The following OPCML variants were observed in gnomAD, a reference collection of about 807,000 sequenced individuals.
The protein encoded by OPCML is opioid binding protein/cell adhesion molecule like.
In OPCML, 13 loss-of-function variants were observed where a neutral mutation model predicts 37.8. The ratio of observed to expected loss-of-function variants is 0.34; its 90% CI spans 0.22 to 0.55. OPCML has a LOEUF of 0.55. Among genes scored for constraint, OPCML ranks in the 20% least tolerant of loss-of-function variants. The pLI, the probability that OPCML is intolerant of heterozygous loss-of-function variation, is 0.91. For synonymous variants in OPCML, 176 were observed against 168.8 expected (o/e 1.04, Z -0.33); for missense variants, 341 against 435.6 (o/e 0.78, Z 1.93).
chr11:133,499,609 C>G (rs1947861078), intron 1 of OPCML, among the ~76,000 whole-genome samples: 1 of 151,744 alleles, frequency 6.6e-6, no homozygotes, highest in Non-Finnish European at 1.5e-5. Flanking sequence ...GGCAGACTCT[C>G]TGATGGATTT....
At chr11:133,276,272 G>A (rs567115974) in intron 1 of OPCML, among the ~76,000 whole-genome samples, 35 of 152,240 alleles carry the variant, frequency 2.3e-4, no homozygotes, top group Middle Eastern at 3.4e-3. Flanking sequence ...GTAAGGAATC[G>A]TGGAAGAGAT....
intron 1 of OPCML, chr11:133,117,716 T>TATTC (rs1949358226): frequency 1.2e-6 from 1 of 863,872 alleles, no homozygotes; most frequent in Non-Finnish European, 1.4e-6. Context: ...ATAAAAAAAG[T>TATTC]ATTATCAACT....
intron 4 of OPCML, among the ~76,000 whole-genome samples, chr11:132,498,351 A>T (rs772038441): frequency 2.6e-5 from 4 of 152,332 alleles, no homozygotes; most frequent in African/African-American, 9.6e-5. Flanking sequence ...CAGCCCTAGT[A>T]TATTTCCATA....
intron 2 of OPCML, among the ~76,000 whole-genome samples, chr11:132,666,784 C>T (rs79438926): frequency 4.6e-5 from 7 of 152,140 alleles, no homozygotes; most frequent in African/African-American, 7.2e-5. Flanking sequence ...GTAGTCCAAG[C>T]GAGATAGACA....
chr11:133,431,062 C>T (rs1022881469), intron 1 of OPCML, among the ~76,000 whole-genome samples: 3 of 152,178 alleles, frequency 2.0e-5, no homozygotes, highest in Non-Finnish European at 2.9e-5. Context: ...TCAAGTACCA[C>T]ATCTGATGCT....
At chr11:132,836,926 T>C (rs981289444) in intron 2 of OPCML, among the ~76,000 whole-genome samples, 2 of 152,072 alleles carry the variant, frequency 1.3e-5, no homozygotes, top group Admixed American at 6.5e-5. Context: ...ATCCTACATA[T>C]GTAAATGCCA....
intron 1 of OPCML, among the ~76,000 whole-genome samples, chr11:133,156,761 C>A (rs1197262973): frequency 2.6e-5 from 4 of 152,138 alleles, no homozygotes; most frequent in East Asian, 1.9e-4. Context: ...GGAATCCCCA[C>A]AACAGAAAAT....
chr11:133,114,690 G>T (rs1431778), intron 1 of OPCML, among the ~76,000 whole-genome samples: 2 of 151,978 alleles, frequency 1.3e-5, no homozygotes, highest in African/African-American at 4.8e-5. Flanking sequence ...ATAGAAATTT[G>T]CATCTAATTC....
chr11:133,477,120 T>C (rs973209673), intron 1 of OPCML, among the ~76,000 whole-genome samples: 20 of 152,202 alleles, frequency 1.3e-4, no homozygotes, highest in Non-Finnish European at 1.8e-4. Context: ...AGGGGATGTC[T>C]ACACTTAGCA....
chr11:132,462,802 GC>G (rs2096107160), intron 4 of OPCML, among the ~76,000 whole-genome samples: 1 of 152,170 alleles, frequency 6.6e-6, no homozygotes, highest in South Asian at 2.1e-4. Flanking sequence ...TGGTAACCGT[GC>G]CTGGATAATT....
chr11:133,353,591 T>C (rs1373893522), intron 1 of OPCML, among the ~76,000 whole-genome samples: 2 of 152,184 alleles, frequency 1.3e-5, no homozygotes, highest in East Asian at 1.9e-4. Flanking sequence ...AATCAGTCTG[T>C]TCAAAGCCTC....
intron 3 of OPCML, among the ~76,000 whole-genome samples, chr11:132,655,571 G>A (rs551460795): frequency 5.9e-5 from 9 of 152,356 alleles, no homozygotes; most frequent in African/African-American, 1.9e-4. Context: ...GTCGGATGGC[G>A]TGTGTGAACG....
intron 1 of OPCML, among the ~76,000 whole-genome samples, chr11:133,201,247 G>A (rs994577018): frequency 5.3e-5 from 8 of 150,604 alleles, no homozygotes; most frequent in Non-Finnish European, 1.2e-4. Context: ...ATTTAGCCAC[G>A]TAACAAACCT....
chr11:132,627,929 T>C (rs1056849668), intron 3 of OPCML, among the ~76,000 whole-genome samples: 4 of 152,182 alleles, frequency 2.6e-5, no homozygotes, highest in Non-Finnish European at 5.9e-5. Flanking sequence ...GGGCCTCGTA[T>C]AATGTGTAAT....
At chr11:133,465,516 C>A (rs889121595) in intron 1 of OPCML, among the ~76,000 whole-genome samples, 6 of 152,328 alleles carry the variant, frequency 3.9e-5, no homozygotes, top group Middle Eastern at 3.4e-3. Flanking sequence ...CAGCTGCGTG[C>A]TAAGCACTGT....
At chr11:133,126,912 C>A (rs1453149507) in intron 1 of OPCML, among the ~76,000 whole-genome samples, 2 of 151,882 alleles carry the variant, frequency 1.3e-5, no homozygotes, top group Non-Finnish European at 2.9e-5. Flanking sequence ...GGAAGAGGGG[C>A]AGGTAGGGAG....
chr11:132,867,358 G>A (rs551816099), intron 2 of OPCML, among the ~76,000 whole-genome samples: 8 of 152,240 alleles, frequency 5.3e-5, no homozygotes, highest in East Asian at 3.9e-4. Flanking sequence ...CAAAAGTGCC[G>A]AGAACAAAGG....
rs1022173928 is a variant in OPCML at position 132,943,384 on chromosome 11, A to G, written c.62-374T>C. ...GAGGCGGCCAGGAGGGGAGAGGAAG[A>G]AGCAAGGTGCGGGGATGAAGGTCAC... On this transcript the variant is annotated intron_variant, in intron 1 of 7. Coordinates refer to ENST00000524381, the MANE Select transcript of OPCML (RefSeq NM_001012393.5). This position sits in a 1 kb window ranked among gnomAD's most constrained non-coding sequence, Gnocchi z 4.3. 3.5e-5 allele frequency: 17 copies of G among 481,812 alleles called. No homozygotes were observed. The highest frequency in any genetic ancestry group is 2.3e-4 in the Admixed American group (7 of 30,714). The allele number at this position is 481,812 out of a possible 1,614,324, so 29.8% of individuals were successfully genotyped here. A position where few individuals can be genotyped will look rare whatever the true frequency, so the allele number is the denominator to read the frequency against.
intron 4 of OPCML, among the ~76,000 whole-genome samples, chr11:132,491,825 G>T (rs1019670594): frequency 6.6e-6 from 1 of 152,100 alleles, no homozygotes; most frequent in Admixed American, 6.5e-5. Flanking sequence ...TCATATGCTG[G>T]GACAGTAGGT....
Sources: allele counts gnomAD v4.1 joint callset (sites outside exome capture counted in the v4.1 genomes callset), GRCh38; gene constraint gnomAD v4.1.1; non-coding constraint Gnocchi (gnomAD v3.1); transcripts MANE v1.5; gene names NCBI Gene and HGNC (gene_info 2026-07-23, HGNC 2026-07-21).